SNAP23: variants seen among roughly 807,000 people sequenced by gnomAD.
The protein encoded by SNAP23 is synaptosome associated protein 23, also known as synaptosomal-associated protein 23.
In SNAP23, 11 loss-of-function variants were observed where a neutral mutation model predicts 29.0. The ratio of observed to expected loss-of-function variants is 0.38; its 90% CI spans 0.24 to 0.63. SNAP23 has a LOEUF of 0.63. Ranked by LOEUF, SNAP23 falls within the 20% of genes least tolerant of loss-of-function variation. The probability of loss-of-function intolerance (pLI) is 0.58; values close to 1 mark genes in which losing one functional copy is unlikely to be tolerated. For synonymous variants in SNAP23, 60 were observed against 82.9 expected, an observed-to-expected ratio of 0.72 and a Z score of 1.50; for missense variants, 220 against 253.9, an observed-to-expected ratio of 0.87 and a Z score of 0.91.
chr15:42,511,879 G>C lies in SNAP23; in HGVS notation c.33G>C (p.Gln11His). Reference sequence around the variant, plus strand: ...ATCTGTCATCAGAAGAAATTCAACAGAGAGCTCACCAGATTACTGATGAGG... The same window carrying C: ...ATCTGTCATCAGAAGAAATTCAACACAGAGCTCACCAGATTACTGATGAGG... MDNLSSEEIQ[Q>H]RAHQITDESL... is the part of the protein sequence containing the mutation. Residue 11 changes from glutamine (Q) to histidine (H), a missense_variant, in exon 2 of 8, where the codon CAG becomes CAC. Gln to His is a conservative substitution (Grantham distance 24, BLOSUM62 0). Coordinates refer to ENST00000249647, the MANE Select transcript of SNAP23 (RefSeq NM_003825.4). The C allele has an allele frequency of 6.3e-7, 1 of 1,598,364 alleles. No homozygotes were observed. Among genetic ancestry groups the C allele is most frequent in the Non-Finnish European group, 8.5e-7 (1 of 1,171,274 alleles).
chr15:42,504,030 T>C (rs1038061305), intron 1 of SNAP23, among the ~76,000 whole-genome samples: 16 of 151,904 alleles, frequency 1.1e-4, no homozygotes, highest in African/African-American at 3.9e-4. Context: ...AAGCCATCCT[T>C]AACATAAAGG....
chr15:42,526,941 G>A (rs1420882344), intron 5 of SNAP23, among the ~76,000 whole-genome samples: 2 of 151,458 alleles, frequency 1.3e-5, no homozygotes, highest in Non-Finnish European at 2.9e-5. Context: ...GGGTTCAAGC[G>A]ATTCTCCTGC....
At chr15:42,503,931 A>G (rs537195542) in intron 1 of SNAP23, among the ~76,000 whole-genome samples, 3 of 152,342 alleles carry the variant, frequency 2.0e-5, no homozygotes, top group African/African-American at 7.2e-5. Flanking sequence ...GTATATTTGC[A>G]TAGTTTTGGG....
At chr15:42,517,423 G>A (rs1347525293) in intron 5 of SNAP23, among the ~76,000 whole-genome samples, 2 of 152,182 alleles carry the variant, frequency 1.3e-5, no homozygotes, top group Non-Finnish European at 2.9e-5. Flanking sequence ...GAGATCAGAT[G>A]TTAGGAGAAC....
chr15:42,517,604 T>C (rs1321232353), intron 5 of SNAP23, among the ~76,000 whole-genome samples: 1 of 152,172 alleles, frequency 6.6e-6, no homozygotes, highest in African/African-American at 2.4e-5. Flanking sequence ...CAGCCAAGCA[T>C]AGGCAAGCTT....
intron 6 of SNAP23, 95 bp downstream of exon 6, chr15:42,528,515 T>A: frequency 1.7e-6 from 2 of 1,173,420 alleles, no homozygotes. Flanking sequence ...ATAAAACAAA[T>A]AAAAATTGTA....
At chr15:42,531,319 A>G in intron 7 of SNAP23, 94 bp from the exon 8 acceptor site, 1 of 742,922 alleles carries the variant, frequency 1.3e-6, no homozygotes. Context: ...GGTTTCTTGG[A>G]TTTTCTTGGT....
intron 5 of SNAP23, among the ~76,000 whole-genome samples, chr15:42,516,406 T>C (rs1235663710): frequency 6.6e-6 from 1 of 152,188 alleles, no homozygotes; most frequent in African/African-American, 2.4e-5. Context: ...CTCAGCTCAC[T>C]GCAACCTCCG....
At chr15:42,498,973 TAAAC>T (rs1030921244) in intron 1 of SNAP23, among the ~76,000 whole-genome samples, 4 of 152,144 alleles carry the variant, frequency 2.6e-5, no homozygotes, top group African/African-American at 4.8e-5. Flanking sequence ...CTGTGCCAAA[TAAAC>T]AGTGGAATTC....
intron 1 of SNAP23, among the ~76,000 whole-genome samples, chr15:42,496,208 GA>G (rs781660825): frequency 2.0e-5 from 3 of 152,118 alleles, no homozygotes; most frequent in Non-Finnish European, 4.4e-5. Flanking sequence ...GTGGTGGGGG[GA>G]AAAAGTACTG....
At chr15:42,523,276 A>G (rs1328723298) in intron 5 of SNAP23, among the ~76,000 whole-genome samples, 2 of 152,192 alleles carry the variant, frequency 1.3e-5, no homozygotes, top group African/African-American at 4.8e-5. Context: ...GAACTTCATT[A>G]AAATTTATCA....
In SNAP23 at chr15:42,528,340, A is replaced by G. The variant is rs1308871365; in HGVS notation, c.345A>G (p.Val115=). 8.1e-6 allele frequency: 13 copies of G among 1,614,150 alleles called. No homozygotes were observed. Among genetic ancestry groups the G allele is most frequent in the Non-Finnish European group, 1.1e-5 (13 of 1,180,028 alleles). The change falls in exon 6 of 8, where the codon GTA becomes GTG. Residue 115 remains valine, a synonymous_variant. Coordinates refer to ENST00000249647, the MANE Select transcript of SNAP23 (RefSeq NM_003825.4). ...DGGENSPCNV[V]SKQPGPVTNG... Reference sequence around the variant, plus strand: ...GAGAAAACTCACCTTGCAATGTAGTATCTAAACAGCCAGGCCCGGTGACAA... The same window carrying G: ...GAGAAAACTCACCTTGCAATGTAGTGTCTAAACAGCCAGGCCCGGTGACAA...
At chr15:42,528,933 T>C (rs2057534897) in intron 6 of SNAP23, among the ~76,000 whole-genome samples, 1 of 152,194 alleles carries the variant, frequency 6.6e-6, no homozygotes, top group Non-Finnish European at 1.5e-5. Context: ...TGGAATTAAC[T>C]TTTCTTTATA....
upstream of SNAP23, among the ~76,000 whole-genome samples, chr15:42,494,157 A>C (rs2057196029): frequency 6.6e-6 from 1 of 151,948 alleles, no homozygotes; most frequent in African/African-American, 2.4e-5. Context: ...ATCCTTCATC[A>C]TTCTCCCTCC....
intron 5 of SNAP23, among the ~76,000 whole-genome samples, chr15:42,523,683 G>A (rs911541549): frequency 2.6e-5 from 4 of 152,200 alleles, no homozygotes; most frequent in Non-Finnish European, 5.9e-5. Context: ...CTAGTTTTAC[G>A]TACAAAGAAA....
chr15:42,530,554 G>A (rs916015111), intron 7 of SNAP23, among the ~76,000 whole-genome samples: 1 of 152,150 alleles, frequency 6.6e-6, no homozygotes, highest in Non-Finnish European at 1.5e-5. Flanking sequence ...GAGCTCAGGA[G>A]TTTGAGACCA....
At chr15:42,493,332 TTCTCTC>T (rs376287295), upstream of SNAP23, among the ~76,000 whole-genome samples, 9 of 150,440 alleles carry the variant, frequency 6.0e-5, no homozygotes, top group Admixed American at 2.6e-4. Context: ...GAGCAAGACC[TTCTCTC>T]TCTCTCTCTC....
chr15:42,517,127 C>A (rs2141534030), intron 5 of SNAP23, among the ~76,000 whole-genome samples: 1 of 152,268 alleles, frequency 6.6e-6, no homozygotes, highest in South Asian at 2.1e-4. Context: ...GCCGTGTTGG[C>A]CAGGCTGGTC....
chr15:42,518,821 GTTTAGTCTTTA>G (rs372231007), intron 5 of SNAP23, among the ~76,000 whole-genome samples: 145 of 152,228 alleles, frequency 9.5e-4, no homozygotes, highest in African/African-American at 2.8e-3. Context: ...CTGAAGCTAT[GTTTAGTCTTTA>G]TTACTTGCTG....
Sources: gnomAD v4.1 joint callset for allele counts (sites outside exome capture counted in the v4.1 genomes callset) on GRCh38, gnomAD v4.1.1 for gene constraint, MANE v1.5 for transcripts, NCBI Gene and HGNC (gene_info 2026-07-23, HGNC 2026-07-21) for gene names.